The following PPFIA2 variants were observed in gnomAD, a reference collection of about 807,000 sequenced individuals.
The protein encoded by PPFIA2 is PPFI scaffold protein A2.
In PPFIA2, 46 loss-of-function variants were observed where a neutral mutation model predicts 175.5. That is an observed-to-expected ratio of 0.26 (90% CI 0.21 to 0.34). The LOEUF is 0.34. PPFIA2 is among the 10% of genes least tolerant of loss of function. PPFIA2 has a pLI of 1.00. For missense variants in PPFIA2, 1,179 were observed against 1,506.1 expected, an observed-to-expected ratio of 0.78 and a Z score of 3.60; for synonymous variants, 568 against 511.4, an observed-to-expected ratio of 1.11 and a Z score of -1.49.
chr12:81,702,189 G>C (rs972561658), intron 3 of PPFIA2, among the ~76,000 whole-genome samples: 1 of 151,336 alleles, frequency 6.6e-6, no homozygotes, highest in African/African-American at 2.4e-5. Flanking sequence ...GTGGCTGCTT[G>C]TATCTAGTGC....
At chr12:81,407,005 T>G (rs1339818037) in intron 7 of PPFIA2, among the ~76,000 whole-genome samples, 1 of 152,210 alleles carries the variant, frequency 6.6e-6, no homozygotes, top group Non-Finnish European at 1.5e-5. Context: ...CTATATGATC[T>G]CTGGTATTTG....
At chr12:81,485,393 T>A (rs138869706) in intron 4 of PPFIA2, among the ~76,000 whole-genome samples, 28 of 151,810 alleles carry the variant, frequency 1.8e-4, no homozygotes, top group African/African-American at 5.5e-4. Context: ...AAATATATAT[T>A]TTTTAAAAAT....
chr12:81,747,513 G>T lies in PPFIA2; in HGVS notation c.249+6460C>A, dbSNP rs116762893. On this transcript the variant is annotated intron_variant, in intron 3 of 32. Transcript: ENST00000549396. ...TACCCAGTAAAATTGTGCAGTTAAG[G>T]TTGGCTAAAGATAATGATGACAATA... 1.8e-3 allele frequency among the ~76,000 whole-genome samples: 258 copies of T among 144,254 alleles called. 8 individuals carry two copies. Among genetic ancestry groups the T allele is most frequent in the African/African-American group, 6.1e-3 (251 of 41,148 alleles). The allele number at this position is 144,254 out of a possible 152,430, so 94.6% of individuals were successfully genotyped here. A position where few individuals can be genotyped will look rare whatever the true frequency, so the allele number is the denominator to read the frequency against.
In PPFIA2 at chr12:81,642,703, T is replaced by TGTATATAATATACACATA. The variant is rs1173180908; in HGVS notation, c.303+34087_303+34088insTATGTGTATATTATATAC. The stretch of plus-strand genomic sequence containing the variant: ...TGTATCTATTATATACATACATGTA[T>TGTATATAATATACACATA]ATGTATGTATGTATTATATACATAC... On this transcript the variant is annotated intron_variant, in intron 4 of 32. Transcript: ENST00000549396. Among the ~76,000 whole-genome samples, 9 of 13,934 alleles carry TGTATATAATATACACATA rather than the reference T, an allele frequency of 6.5e-4. 3 individuals are homozygous for TGTATATAATATACACATA. Among genetic ancestry groups the TGTATATAATATACACATA allele is most frequent in the African/African-American group, 3.1e-3 (9 of 2,860 alleles). The allele number at this position is 13,934 out of a possible 152,430, so 9.1% of individuals were successfully genotyped here.
intron 8 of PPFIA2, among the ~76,000 whole-genome samples, chr12:81,402,025 G>A (rs2042170930): frequency 6.6e-6 from 1 of 151,890 alleles, no homozygotes; most frequent in Admixed American, 6.6e-5. Context: ...TTCAGATTGT[G>A]CTTTTGTGAG....
intron 32 of PPFIA2, chr12:81,260,689 TAAGCCCAA>T (rs2035156633): frequency 6.6e-6 from 1 of 152,186 alleles, no homozygotes; most frequent in African/African-American, 2.4e-5. Flanking sequence ...GCTCCCATCC[TAAGCCCAA>T]AAGACCAACA....
Position 81,259,400 on chromosome 12 carries a change from G to C in PPFIA2, c.*294C>G, listed in dbSNP as rs1368219358. ...TACAATAAAACATGAAAAACAACTG[G>C]CTTCATTTCATAAAAGCATCTGTTG... On this transcript the variant is annotated 3_prime_UTR_variant, in exon 33 of 33. Coordinates refer to ENST00000549396, the MANE Select transcript of PPFIA2 (RefSeq NM_003625.5). 5 of 644,160 alleles carry C rather than the reference G, an allele frequency of 7.8e-6. No individual in the cohort carries two copies. Among genetic ancestry groups the C allele is most frequent in the Admixed American group, 6.7e-5 (3 of 44,508 alleles). 39.9% of individuals were successfully genotyped at this position (644,160 alleles called of 1,614,324 possible).
intron 3 of PPFIA2, among the ~76,000 whole-genome samples, chr12:81,708,028 G>T (rs1338674177): frequency 3.6e-4 from 44 of 122,600 alleles, no homozygotes; most frequent in African/African-American, 1.2e-3. Context: ...GTTGTGGGGT[G>T]GGGGGAGGGG....
intron 9 of PPFIA2, among the ~76,000 whole-genome samples, chr12:81,381,374 A>C (rs771157399): frequency 9.9e-5 from 15 of 152,180 alleles, no homozygotes; most frequent in Non-Finnish European, 1.9e-4. Flanking sequence ...TGTTACCTAC[A>C]TTCAGAGGCT....
rs192378642 is a variant in PPFIA2, at chr12:81,682,103, A to G, written c.250-5259T>C. The stretch of plus-strand genomic sequence containing the variant: ...TAAATTATGTTCCCTGAAAATTCAG[A>G]TGTTGAAATCTTAACCCTCAGTACC... On this transcript the variant is annotated intron_variant, in intron 3 of 32. Transcript: ENST00000549396. Among the ~76,000 whole-genome samples, 60 of 152,182 alleles carry G rather than the reference A, an allele frequency of 3.9e-4. No individual in the cohort carries two copies. In the East Asian group the frequency reaches 0.01, roughly 27 times the overall value.
intron 5 of PPFIA2, among the ~76,000 whole-genome samples, chr12:81,452,864 C>T (rs2145616923): frequency 6.6e-6 from 1 of 152,014 alleles, no homozygotes; most frequent in East Asian, 1.9e-4. Context: ...GCAATTATGT[C>T]TTCTTTTTAA....
At chr12:81,756,954 C>T (rs1408965506) in intron 2 of PPFIA2, among the ~76,000 whole-genome samples, 1 of 151,942 alleles carries the variant, frequency 6.6e-6, no homozygotes, top group Admixed American at 6.6e-5. Context: ...GCAGTCAACC[C>T]AAATGAGTAA....
chr12:81,339,285 T>C lies in PPFIA2; in HGVS notation c.2443A>G (p.Asn815Asp). ...TTGTGAAGAGAGTCTTGGCTGCTGTTGGCACTACCAAGCCCGAGGCTTTCT... is the reference window on the plus strand; with the variant it reads ...TTGTGAAGAGAGTCTTGGCTGCTGTCGGCACTACCAAGCCCGAGGCTTTCT... ...EPESLGLGSA[N>D]SSQDSLHKAP... is the part of the protein sequence containing the mutation. Residue 815 changes from asparagine to aspartate, a missense_variant, in exon 21 of 33, where the codon AAC (asparagine) becomes GAC (aspartate). Asn to Asp is a conservative substitution (Grantham distance 23). Transcript: ENST00000549396. 1 of 1,610,626 alleles carries C rather than the reference T, an allele frequency of 6.2e-7. No homozygotes were observed. Among genetic ancestry groups the C allele is most frequent in the Non-Finnish European group, 8.5e-7 (1 of 1,178,162 alleles).
chr12:81,563,090 T>C (rs1348632068), intron 4 of PPFIA2, among the ~76,000 whole-genome samples: 2 of 152,070 alleles, frequency 1.3e-5, no homozygotes, highest in East Asian at 3.9e-4. Context: ...TTGTCCTCTT[T>C]TCTATATATA....
At chr12:81,744,199 T>C (rs1597133891) in intron 3 of PPFIA2, among the ~76,000 whole-genome samples, 1 of 152,138 alleles carries the variant, frequency 6.6e-6, no homozygotes, top group East Asian at 1.9e-4. Flanking sequence ...TCATGTAACC[T>C]ACAGTTTCTG....
chr12:81,744,951 T>C lies in PPFIA2; in HGVS notation c.249+9022A>G, dbSNP rs150287335. Among the ~76,000 whole-genome samples, 823 of 152,278 alleles carry C rather than the reference T, an allele frequency of 5.4e-3. 7 individuals are homozygous for C. The highest frequency in any genetic ancestry group is 0.019 in the African/African-American group (788 of 41,556). ...AGTTTTATTATCTGCAAAATGGGAA[T>C]AGTAATAACAACAGCCTCATTGGAA... On this transcript the variant is annotated intron_variant, in intron 3 of 32. Coordinates refer to ENST00000549396, the MANE Select transcript of PPFIA2 (RefSeq NM_003625.5).
chr12:81,551,526 G>A (rs1049304502), intron 4 of PPFIA2, among the ~76,000 whole-genome samples: 6 of 151,802 alleles, frequency 4.0e-5, no homozygotes, highest in East Asian at 1.9e-4. Context: ...CATAGTATTC[G>A]CATTGTATTA....
At position 81,281,444 on chromosome 12, in the gene PPFIA2, C is replaced by A. The variant is rs777413633; in HGVS notation, c.3025G>T (p.Val1009Phe). Reference sequence around the variant, plus strand: ...CCATAAGCCAGGGTCTGTAGAAAAACCGGACACTAGAATTGTTTTATAGCA... The same window carrying A: ...CCATAAGCCAGGGTCTGTAGAAAAAACGGACACTAGAATTGTTTTATAGCA... ...SEEGSWAQCP[V>F]FLQTLAYGDM... is the part of the protein sequence containing the mutation. Residue 1009 changes from valine to phenylalanine, a missense_variant, in exon 27 of 33, where the codon GTT (valine) becomes TTT (phenylalanine). Val to Phe is a conservative substitution (Grantham distance 50). Around this residue, in one of 10 missense-constraint regions of PPFIA2, gnomAD observed 245 missense variants for 375.1 expected, o/e 0.65. Transcript: ENST00000549396. The A allele has an allele frequency of 1.3e-6, 2 of 1,598,640 alleles. No individual in the cohort carries two copies. Among genetic ancestry groups the A allele is most frequent in the Non-Finnish European group, 1.7e-6 (2 of 1,170,170 alleles).
intron 4 of PPFIA2, among the ~76,000 whole-genome samples, chr12:81,568,783 G>A (rs2071885172): frequency 6.6e-6 from 1 of 152,072 alleles, no homozygotes; most frequent in African/African-American, 2.4e-5. Flanking sequence ...TCCCCATCTT[G>A]ATGGAGAGGA....
Sources: gnomAD v4.1 joint callset for allele counts (sites outside exome capture counted in the v4.1 genomes callset) on GRCh38, gnomAD v4.1.1 for gene constraint, gnomAD v4.1.1 regional missense constraint, MANE v1.5 for transcripts, NCBI Gene and HGNC (gene_info 2026-07-23, HGNC 2026-07-21) for gene names.